ACADM: variants seen among roughly 807,000 people sequenced by gnomAD.
ACADM encodes the protein acyl-CoA dehydrogenase medium chain.
Under a neutral mutation model 58.9 loss-of-function variants are expected in ACADM, and 49 were observed. That is an observed-to-expected ratio of 0.83 (90% CI 0.66 to 1.06). The LOEUF (loss-of-function observed/expected upper bound fraction) is 1.06. ACADM is among the 50% of genes least tolerant of loss of function. The pLI is 0.00. For missense variants in ACADM, 496 were observed against 507.0 expected (o/e 0.98, Z 0.21); for synonymous variants, 160 against 157.7 (o/e 1.01, Z -0.11).
intron 2 of ACADM, among the ~76,000 whole-genome samples, chr1:75,729,232 G>GT (rs60120515): frequency 0.88 from 117,998 of 134,298 alleles, 52,030 homozygotes; most frequent in Non-Finnish European, 0.91. Flanking sequence ...CTTTATAAAG[G>GT]TTTTTTTTTT....
chr1:75,742,446 C>T (rs1353463369), intron 7 of ACADM, among the ~76,000 whole-genome samples: 2 of 152,184 alleles, frequency 1.3e-5, no homozygotes, highest in Non-Finnish European at 1.5e-5. Flanking sequence ...CCCACTATAA[C>T]GCAGGAAGGA....
chr1:75,749,673 T>A (rs1368987010), intron 9 of ACADM, 114 bp downstream of exon 9: 1 of 1,020,694 alleles, frequency 9.8e-7, no homozygotes, highest in Non-Finnish European at 1.4e-6. Context: ...ATCTGCTTAT[T>A]TTATTAAGGA....
At position 75,760,135 on chromosome 1, in the gene ACADM, AAG is replaced by A. The variant is rs536604831; in HGVS notation, c.946-984_946-983del. Among the ~76,000 whole-genome samples the A allele has an allele frequency of 4.3e-4, 65 of 151,304 alleles. 1 individual carries two copies. Among genetic ancestry groups the A allele is most frequent in the African/African-American group, 1.5e-3 (62 of 41,288 alleles). On this transcript the variant is annotated intron_variant, in intron 10 of 11. Transcript: ENST00000370841. ...CTCATCTCTATTTAAAAAGAAAAAA[AAG>A]AGGCCGAGTGCGGTGGCTCACACCT...
At position 75,749,501 on chromosome 1, in the gene ACADM, T is replaced by C. The variant is rs1648081185; in HGVS notation, c.791T>C (p.Ile264Thr). ...AAAGTGCCTAAAGAAAATGTTTTAATTGGTGACGGAGCTGGTTTCAAAGTT... is the reference window on the plus strand; with the variant it reads ...AAAGTGCCTAAAGAAAATGTTTTAACTGGTGACGGAGCTGGTTTCAAAGTT... ...DVKVPKENVL[I>T]GDGAGFKVAM... The change falls in exon 9 of 12, where the codon ATT becomes ACT. Residue 264 changes from isoleucine (I) to threonine (T), a missense_variant. By Grantham distance (89) the Ile-to-Thr change is moderately conservative (BLOSUM62 -1). Transcript: ENST00000370841. 6.2e-7 allele frequency: 1 copy of C among 1,614,066 alleles called. No individual in the cohort carries two copies. The highest frequency in any genetic ancestry group is 8.5e-7 in the Non-Finnish European group (1 of 1,179,962).
chr1:75,758,625 T>A (rs1463307194), intron 10 of ACADM, among the ~76,000 whole-genome samples: 1 of 139,918 alleles, frequency 7.1e-6, no homozygotes, highest in Admixed American at 7.1e-5. Flanking sequence ...TAATCAGCAC[T>A]CTCTGTCTAG....
At chr1:75,755,341 A>G (rs1478740178) in intron 10 of ACADM, among the ~76,000 whole-genome samples, 1 of 152,194 alleles carries the variant, frequency 6.6e-6, no homozygotes, top group Non-Finnish European at 1.5e-5. Context: ...TGAGTAGCCT[A>G]ACTGGGAGAG....
At chr1:75,734,691 G>A in intron 5 of ACADM, 100 bp from the exon 6 acceptor site, 5 of 932,620 alleles carry the variant, frequency 5.4e-6, no homozygotes, top group Non-Finnish European at 8.4e-6. Flanking sequence ...TTACCTGTTA[G>A]GTGAAAAATA....
rs1430133767 is a variant in ACADM, at chr1:75,745,897, A to C, written c.691A>C (p.Ile231Leu). 5.0e-6 allele frequency: 8 copies of C among 1,611,722 alleles called. No individual in the cohort carries two copies. The highest frequency in any genetic ancestry group is 1.3e-5 in the African/African-American group (1 of 74,886). ...GFIVEADTPG[I>L]QIGRKELNMG... ...CATTGTGGAAGCAGATACCCCAGGAATTCAGATTGGGAGAAAGGTAAAGTA... is the reference window on the plus strand; with the variant it reads ...CATTGTGGAAGCAGATACCCCAGGACTTCAGATTGGGAGAAAGGTAAAGTA... Residue 231 changes from isoleucine to leucine, a missense_variant, in exon 8 of 12, where the codon ATT (isoleucine) becomes CTT (leucine). Ile to Leu is a conservative substitution (Grantham distance 5). Transcript: ENST00000370841.
rs114658774 is a variant in ACADM, at chr1:75,748,642, C to T, written c.709-777C>T. Reference sequence around the variant, plus strand: ...ACACAGAAAGCGGACTTTATTATTTCACTTAAATGACATTCTGGAAAAGGA... The same window carrying T: ...ACACAGAAAGCGGACTTTATTATTTTACTTAAATGACATTCTGGAAAAGGA... On this transcript the variant is annotated intron_variant, in intron 8 of 11. Transcript: ENST00000370841. Among the ~76,000 whole-genome samples the T allele has an allele frequency of 5.6e-3, 853 of 152,254 alleles. 3 individuals carry two copies. Among genetic ancestry groups the T allele is most frequent in the Non-Finnish European group, 8.6e-3 (585 of 68,008 alleles).
At chr1:75,759,449 A>G (rs1570907020) in intron 10 of ACADM, among the ~76,000 whole-genome samples, 1 of 152,220 alleles carries the variant, frequency 6.6e-6, no homozygotes, top group South Asian at 2.1e-4. Flanking sequence ...TATGCCAGGG[A>G]ACAGGAACAT....
chr1:75,730,796 G>C (rs1391744744), intron 2 of ACADM, among the ~76,000 whole-genome samples: 1 of 151,984 alleles, frequency 6.6e-6, no homozygotes, highest in African/African-American at 2.4e-5. Context: ...CAAAATTCTA[G>C]AATTATAGGC....
At chr1:75,753,085 A>G (rs1046376392) in intron 10 of ACADM, among the ~76,000 whole-genome samples, 1 of 152,212 alleles carries the variant, frequency 6.6e-6, no homozygotes, top group African/African-American at 2.4e-5. Context: ...AACAACAACA[A>G]TAACAAAAGT....
At chr1:75,736,601 A>C (rs1570869781) in intron 6 of ACADM, among the ~76,000 whole-genome samples, 3 of 152,318 alleles carry the variant, frequency 2.0e-5, no homozygotes, top group African/African-American at 7.2e-5. Flanking sequence ...CCTCCATATC[A>C]AAATTTTTGG....
chr1:75,751,395 G>GT (rs764246955), intron 10 of ACADM, among the ~76,000 whole-genome samples: 3 of 151,534 alleles, frequency 2.0e-5, no homozygotes, highest in Non-Finnish European at 4.4e-5. Flanking sequence ...TTTTTGGGTG[G>GT]TGTTATCTCT....
At chr1:75,756,193 T>C (rs1393789681) in intron 10 of ACADM, among the ~76,000 whole-genome samples, 1 of 152,080 alleles carries the variant, frequency 6.6e-6, no homozygotes, top group East Asian at 1.9e-4. Context: ...CTCTTCAACA[T>C]AGTGTTGGAA....
chr1:75,729,295 CTTT>C (rs35372302), intron 2 of ACADM, among the ~76,000 whole-genome samples: 1 of 85,350 alleles, frequency 1.2e-5, no homozygotes, highest in Non-Finnish European at 2.1e-5. Flanking sequence ...TTTCTTTTTT[CTTT>C]TTTTTTTTTT....
chr1:75,746,712 C>A (rs965228655), intron 8 of ACADM, among the ~76,000 whole-genome samples: 5 of 151,788 alleles, frequency 3.3e-5, no homozygotes, highest in African/African-American at 1.2e-4. Context: ...AATCATCCCA[C>A]CTCAGCCTCC....
intron 6 of ACADM, among the ~76,000 whole-genome samples, chr1:75,735,319 CAAAAAAAAAA>C (rs33952162): frequency 9.8e-6 from 1 of 101,834 alleles, no homozygotes; most frequent in Non-Finnish European, 1.9e-5. Flanking sequence ...GACCCTGTCT[CAAAAAAAAAA>C]AAAAAAAAAA....
rs34262751 is a variant in ACADM, at chr1:75,751,995, C to CTTT, written c.945+1462_945+1464dup. On this transcript the variant is annotated intron_variant, in intron 10 of 11. Transcript: ENST00000370841. ...GTTGTATAGTGAACCTCCTATTTCT[C>CTTT]TTTTTTTTTTTTTTTGAGACAGGGT... Among the ~76,000 whole-genome samples the CTTT allele has an allele frequency of 2.6e-3, 358 of 140,272 alleles. 1 individual carries two copies. The highest frequency in any genetic ancestry group is 7.3e-3 in the Middle Eastern group (2 of 274). The allele number at this position is 140,272 out of a possible 152,430, so 92.0% of individuals were successfully genotyped here. A position where few individuals can be genotyped will look rare whatever the true frequency, so the allele number is the denominator to read the frequency against.
Sources: allele counts gnomAD v4.1 joint callset (sites outside exome capture counted in the v4.1 genomes callset), GRCh38; gene constraint gnomAD v4.1.1; transcripts MANE v1.5; gene names NCBI Gene and HGNC (gene_info 2026-07-23, HGNC 2026-07-21).